Variants in DOCK3 observed in about 807,000 individuals in gnomAD.
DOCK3 encodes dedicator of cytokinesis protein 3.
In DOCK3, 60 loss-of-function variants were observed where a neutral mutation model predicts 265.6. The ratio of observed to expected loss-of-function variants is 0.23; its 90% confidence interval spans 0.18 to 0.28. DOCK3 has a LOEUF of 0.28. DOCK3 is among the 10% of genes least tolerant of loss of function. DOCK3 has a pLI of 1.00. For missense variants in DOCK3, 1,981 were observed against 2,594.3 expected, an observed-to-expected ratio of 0.76 and a Z score of 5.14; for synonymous variants, 881 against 938.0, an observed-to-expected ratio of 0.94 and a Z score of 1.11.
At chr3:50,700,844 ATATAG>A (rs553348573) in intron 1 of DOCK3, among the ~76,000 whole-genome samples, 1 of 152,250 alleles carries the variant, frequency 6.6e-6, no homozygotes, top group South Asian at 2.1e-4. Flanking sequence ...TTTTAGTTCT[ATATAG>A]TATAGTATAG....
chr3:51,089,662 A>G (rs1019915216), intron 8 of DOCK3, among the ~76,000 whole-genome samples: 1 of 152,126 alleles, frequency 6.6e-6, no homozygotes, highest in Non-Finnish European at 1.5e-5. Flanking sequence ...TAATCCCAGC[A>G]CATTGGGAGG....
chr3:50,993,559 C>T (rs558913601), intron 5 of DOCK3, among the ~76,000 whole-genome samples: 5 of 152,326 alleles, frequency 3.3e-5, no homozygotes, highest in African/African-American at 1.2e-4. Context: ...TCTGCACCCC[C>T]AGCATGGTCT....
intron 3 of DOCK3, among the ~76,000 whole-genome samples, chr3:50,867,971 A>G (rs546408060): frequency 1.3e-5 from 2 of 151,822 alleles, no homozygotes; most frequent in African/African-American, 2.4e-5. Flanking sequence ...CTCTTACTCT[A>G]TTTTTTGGAA....
intron 4 of DOCK3, among the ~76,000 whole-genome samples, chr3:50,907,124 T>A (rs2049558984): frequency 6.6e-6 from 1 of 152,102 alleles, no homozygotes; most frequent in African/African-American, 2.4e-5. Flanking sequence ...TGAGAGACAG[T>A]TTGTTATAAT....
At chr3:51,016,921 T>C (rs1349776862) in intron 5 of DOCK3, among the ~76,000 whole-genome samples, 2 of 113,992 alleles carry the variant, frequency 1.8e-5, no homozygotes, top group Admixed American at 2.4e-4. Flanking sequence ...TATATAAATA[T>C]ATTAATATAT....
chr3:51,029,976 G>T (rs901744614), intron 5 of DOCK3, among the ~76,000 whole-genome samples: 1 of 152,080 alleles, frequency 6.6e-6, no homozygotes, highest in East Asian at 1.9e-4. Context: ...ACGGGGTCGG[G>T]GGGTGGGCCA....
intron 22 of DOCK3, among the ~76,000 whole-genome samples, chr3:51,259,418 G>A (rs186814248): frequency 2.0e-5 from 3 of 152,196 alleles, no homozygotes; most frequent in African/African-American, 7.2e-5. Flanking sequence ...AGAAAACATA[G>A]TATTGGGTCT....
Position 51,157,137 on chromosome 3 carries a change from T to G in DOCK3, c.829-2107T>G, listed in dbSNP as rs547849518. Among the ~76,000 whole-genome samples, 11 of 118,210 alleles carry G rather than the reference T, an allele frequency of 9.3e-5. No individual in the cohort carries two copies. The South Asian group carries it at 3.2e-3, about 34-fold the overall frequency. The allele number at this position is 118,210 out of a possible 152,430, so 77.6% of individuals were successfully genotyped here. A position where few individuals can be genotyped will look rare whatever the true frequency, so the allele number is the denominator to read the frequency against. On this transcript the variant is annotated intron_variant, in intron 10 of 52. Transcript: ENST00000266037. The stretch of plus-strand genomic sequence containing the variant: ...ACTTTCATGTAAAAATATATCTTTG[T>G]GATTCCAGATATCAATTTATGTTTA...
chr3:50,891,862 A>G (rs937847345), intron 4 of DOCK3, among the ~76,000 whole-genome samples: 2 of 152,110 alleles, frequency 1.3e-5, no homozygotes, highest in African/African-American at 2.4e-5. Flanking sequence ...TCCCATTTAT[A>G]ATAGTTATAA....
chr3:51,172,062 T>C (rs2086706885), intron 12 of DOCK3, among the ~76,000 whole-genome samples: 1 of 152,250 alleles, frequency 6.6e-6, no homozygotes, highest in African/African-American at 2.4e-5. Context: ...GAATTCACTC[T>C]TTATCATTAC....
intron 5 of DOCK3, among the ~76,000 whole-genome samples, chr3:50,982,985 C>T (rs2077750938): frequency 6.6e-6 from 1 of 152,202 alleles, no homozygotes. Context: ...TCAAGGGTTT[C>T]TGCTCTCACT....
At chr3:51,354,710 C>T (rs1027352503) in intron 40 of DOCK3, among the ~76,000 whole-genome samples, 172 bp from the exon 41 acceptor site, 7 of 152,192 alleles carry the variant, frequency 4.6e-5, no homozygotes, top group Non-Finnish European at 8.8e-5. Context: ...GTGTAATTCT[C>T]GCTTTGTTTT....
At position 51,371,337 on chromosome 3, in the gene DOCK3, C is replaced by T. The variant is rs763176641; in HGVS notation, c.5294-3132C>T. ...ACAAAATGGTTAAACAGAACTGGGC[C>T]CAAAGAGAACAGTGACAAGATCAGA... On this transcript the variant is annotated intron_variant, in intron 49 of 52. Coordinates refer to ENST00000266037, the MANE Select transcript of DOCK3 (RefSeq NM_004947.5). Among the ~76,000 whole-genome samples the T allele has an allele frequency of 2.0e-5, 3 of 152,036 alleles. No individual in the cohort carries two copies. The South Asian group carries it at 6.2e-4, about 31-fold the overall frequency.
chr3:51,173,906 C>T (rs974399213), intron 12 of DOCK3, among the ~76,000 whole-genome samples: 1 of 152,088 alleles, frequency 6.6e-6, no homozygotes, highest in Admixed American at 6.6e-5. Context: ...TTTCTTTCCT[C>T]CTTCTGGGAC....
intron 5 of DOCK3, among the ~76,000 whole-genome samples, chr3:50,991,242 A>G (rs1324674156): frequency 6.6e-6 from 1 of 152,224 alleles, no homozygotes; most frequent in African/African-American, 2.4e-5. Context: ...AAATCCACAC[A>G]TATCAATACT....
intron 1 of DOCK3, among the ~76,000 whole-genome samples, chr3:50,676,727 G>A (rs2033989787): frequency 1.3e-5 from 2 of 150,768 alleles, no homozygotes; most frequent in East Asian, 3.9e-4. Flanking sequence ...GTGGGGGCGT[G>A]GGGGGAGGAG....
At chr3:51,318,072 G>A (rs906321842) in intron 32 of DOCK3, among the ~76,000 whole-genome samples, 3 of 152,032 alleles carry the variant, frequency 2.0e-5, no homozygotes, top group Admixed American at 2.0e-4. Flanking sequence ...GACTGGGATT[G>A]CAGTGATTCT....
chr3:51,212,624 G>A (rs1447858577), intron 13 of DOCK3, among the ~76,000 whole-genome samples: 1 of 152,158 alleles, frequency 6.6e-6, no homozygotes, highest in Non-Finnish European at 1.5e-5. Flanking sequence ...GGTGAGGGCA[G>A]ATATATCCCA....
chr3:51,043,101 T>C (rs865990621), intron 5 of DOCK3, among the ~76,000 whole-genome samples: 4 of 152,152 alleles, frequency 2.6e-5, no homozygotes, highest in Admixed American at 1.3e-4. Context: ...ATTTTAAAAT[T>C]CATGTGTAAC....
Sources: gnomAD v4.1 joint callset for allele counts (sites outside exome capture counted in the v4.1 genomes callset) on GRCh38, gnomAD v4.1.1 for gene constraint, MANE v1.5 for transcripts, NCBI Gene and HGNC (gene_info 2026-07-23, HGNC 2026-07-21) for gene names.